Variants in CCDC85A observed in about 807,000 individuals in gnomAD.
CCDC85A encodes the protein coiled-coil domain containing 85A.
CCDC85A carries 38 observed loss-of-function variants against 50.2 expected under a neutral mutation model. That is an observed-to-expected ratio of 0.76 (90% CI 0.58 to 0.99). The LOEUF (loss-of-function observed/expected upper bound fraction) is 0.99, where lower values mean the gene tolerates loss of function less well. Ranked by LOEUF, CCDC85A falls within the 50% of genes least tolerant of loss-of-function variation. CCDC85A has a pLI of 0.00. For synonymous variants in CCDC85A, 366 were observed against 301.4 expected, an observed-to-expected ratio of 1.21 and a Z score of -2.22; for missense variants, 820 against 742.0, an observed-to-expected ratio of 1.11 and a Z score of -1.22.
chr2:56,188,331 A>G (rs945599118), intron 1 of CCDC85A, among the ~76,000 whole-genome samples: 5 of 152,186 alleles, frequency 3.3e-5, no homozygotes, highest in African/African-American at 9.7e-5. Context: ...AGAAAGAGGG[A>G]ACTGTGATAT....
At chr2:56,283,047 T>G (rs566355110) in intron 2 of CCDC85A, among the ~76,000 whole-genome samples, 1 of 152,334 alleles carries the variant, frequency 6.6e-6, no homozygotes, top group African/African-American at 2.4e-5. Context: ...CTAGTAGATA[T>G]TTAGTAAAAT....
intron 2 of CCDC85A, among the ~76,000 whole-genome samples, chr2:56,228,774 C>T (rs1046002860): frequency 2.2e-4 from 33 of 152,242 alleles, no homozygotes; most frequent in Admixed American, 2.1e-3. Context: ...ACCTAGTGAT[C>T]CGCCCGCCTC....
chr2:56,243,717 TGAAGA>T (rs1404392520), intron 2 of CCDC85A, among the ~76,000 whole-genome samples: 1 of 152,152 alleles, frequency 6.6e-6, no homozygotes, highest in Non-Finnish European at 1.5e-5. Context: ...ATCTGGGCAT[TGAAGA>T]GAAGATATTT....
At chr2:56,292,513 T>C (rs1211645300) in intron 2 of CCDC85A, among the ~76,000 whole-genome samples, 1 of 152,146 alleles carries the variant, frequency 6.6e-6, no homozygotes, top group Non-Finnish European at 1.5e-5. Context: ...CCTCTCTCAG[T>C]CTCCTGAAAA....
intron 2 of CCDC85A, among the ~76,000 whole-genome samples, chr2:56,251,388 C>T (rs1004951133): frequency 2.0e-5 from 3 of 152,190 alleles, no homozygotes; most frequent in Non-Finnish European, 4.4e-5. Context: ...AAAAAGTTGA[C>T]GAGTTTCATG....
chr2:56,324,727 C>T (rs1319561855), intron 2 of CCDC85A, among the ~76,000 whole-genome samples: 2 of 151,916 alleles, frequency 1.3e-5, no homozygotes, highest in African/African-American at 2.4e-5. Context: ...TTTAGCTCTC[C>T]TAGTCTTGAA....
chr2:56,183,980 C>G, upstream of CCDC85A: 1 of 985,740 alleles, frequency 1.0e-6, no homozygotes, highest in African/African-American at 1.7e-5. Context: ...CGGTCCCCCA[C>G]CCTCCACCCC....
intron 3 of CCDC85A, among the ~76,000 whole-genome samples, chr2:56,350,695 T>C (rs1674874440): frequency 6.6e-6 from 1 of 151,492 alleles, no homozygotes; most frequent in Non-Finnish European, 1.5e-5. Context: ...CTCTGACTAA[T>C]GGAAAATAAG....
At position 56,231,544 on chromosome 2, in the gene CCDC85A, C is replaced by T. The variant is rs2103938007; in HGVS notation, c.1240+38104C>T. Among the ~76,000 whole-genome samples the T allele has an allele frequency of 3.3e-5, 5 of 152,154 alleles. No individual in the cohort carries two copies. In the Middle Eastern group the frequency reaches 0.017, roughly 518 times the overall value. Reference sequence around the variant, plus strand: ...AAAATATTGGAATTGTCTATAGACTCATGACTCTTGGCTTCAATCTAAGAA... The same window carrying T: ...AAAATATTGGAATTGTCTATAGACTTATGACTCTTGGCTTCAATCTAAGAA... On this transcript the variant is annotated intron_variant, in intron 2 of 5. Coordinates refer to ENST00000407595, the MANE Select transcript of CCDC85A (RefSeq NM_001080433.2).
intron 2 of CCDC85A, among the ~76,000 whole-genome samples, chr2:56,216,314 C>A (rs373622138): frequency 2.4e-4 from 36 of 151,830 alleles, no homozygotes; most frequent in African/African-American, 8.0e-4. Context: ...AGTGGATATT[C>A]CAGATTACAT....
intron 2 of CCDC85A, among the ~76,000 whole-genome samples, chr2:56,237,937 G>T (rs557140381): frequency 6.6e-6 from 1 of 152,152 alleles, no homozygotes; most frequent in South Asian, 2.1e-4. Context: ...GTATCCTCAT[G>T]GTAACTTTGA....
chr2:56,270,047 A>G (rs114801551), intron 2 of CCDC85A, among the ~76,000 whole-genome samples: 1,698 of 152,292 alleles, frequency 0.011, 39 homozygotes, highest in African/African-American at 0.039. Context: ...AGCCTGTCAA[A>G]TACACCCTAC....
intron 2 of CCDC85A, among the ~76,000 whole-genome samples, chr2:56,219,478 CT>C (rs1406436655): frequency 6.6e-6 from 1 of 151,616 alleles, no homozygotes; most frequent in African/African-American, 2.4e-5. Flanking sequence ...TTTTGAACCC[CT>C]ATTCTGCTGC....
intron 2 of CCDC85A, among the ~76,000 whole-genome samples, chr2:56,226,706 G>A (rs112636580): frequency 2.4e-4 from 36 of 152,022 alleles, no homozygotes; most frequent in Non-Finnish European, 3.2e-4. Context: ...TGTAGTAATG[G>A]CAACCATTCC....
intron 2 of CCDC85A, among the ~76,000 whole-genome samples, chr2:56,319,833 A>G (rs1673086275): frequency 6.6e-6 from 1 of 152,090 alleles, no homozygotes; most frequent in Non-Finnish European, 1.5e-5. Context: ...TCAGCTTAGA[A>G]CTCAAGTGCA....
chr2:56,328,227 G>T (rs1673573996), intron 2 of CCDC85A, among the ~76,000 whole-genome samples: 1 of 152,136 alleles, frequency 6.6e-6, no homozygotes. Flanking sequence ...GACAACGAGA[G>T]GGTTGGATTT....
At chr2:56,229,046 T>C (rs1210037748) in intron 2 of CCDC85A, among the ~76,000 whole-genome samples, 1 of 152,214 alleles carries the variant, frequency 6.6e-6, no homozygotes, top group Non-Finnish European at 1.5e-5. Flanking sequence ...GAACTTCTGC[T>C]GGCTTTTGAG....
rs1675899523 is a variant in CCDC85A, at chr2:56,184,399, C to G, written c.-226C>G. The G allele has an allele frequency of 2.0e-6, 1 of 507,214 alleles. No homozygotes were observed. Among genetic ancestry groups the G allele is most frequent in the Non-Finnish European group, 2.9e-6 (1 of 344,200 alleles). The allele number at this position is 507,214 out of a possible 1,614,324, so 31.4% of individuals were successfully genotyped here. A position where few individuals can be genotyped will look rare whatever the true frequency, so the allele number is the denominator to read the frequency against. ...TGGGACGGGCCTCGGCAGCAGCAAG[C>G]GGCTGGCTGCCGGGCCCTGGGGGAG... On this transcript the variant is annotated 5_prime_UTR_variant, in exon 1 of 6. Transcript: ENST00000407595.
At position 56,339,786 on chromosome 2, in the gene CCDC85A, G is replaced by A. The variant is rs148169152; in HGVS notation, c.1241-3093G>A. ...GAAAGAGCAGGGCTTGCAAAACAGT[G>A]TAAATCAGGCAATCTACATTCACAT... On this transcript the variant is annotated intron_variant, in intron 2 of 5. Transcript: ENST00000407595. Among the ~76,000 whole-genome samples the A allele has an allele frequency of 3.1e-3, 473 of 152,164 alleles. 2 individuals are homozygous for A. The highest frequency in any genetic ancestry group is 0.011 in the African/African-American group (459 of 41,516).
Sources: gnomAD v4.1 joint callset for allele counts (sites outside exome capture counted in the v4.1 genomes callset) on GRCh38, gnomAD v4.1.1 for gene constraint, MANE v1.5 for transcripts, NCBI Gene and HGNC (gene_info 2026-07-23, HGNC 2026-07-21) for gene names.